The following THSD7B variants were observed in gnomAD, a reference collection of about 807,000 sequenced individuals.
THSD7B encodes thrombospondin type 1 domain containing 7B.
THSD7B carries 138 observed loss-of-function variants against 213.6 expected under a neutral mutation model. That is an observed-to-expected ratio of 0.65 (90% CI 0.56 to 0.74). The LOEUF is 0.74. THSD7B is among the 30% of genes least tolerant of loss of function. The pLI is 0.00. For synonymous variants in THSD7B, 742 were observed against 687.0 expected, an observed-to-expected ratio of 1.08 and a Z score of -1.25; for missense variants, 1,931 against 1,991.5, an observed-to-expected ratio of 0.97 and a Z score of 0.58.
chr2:136,976,067 C>T (rs1320648382), intron 2 of THSD7B, among the ~76,000 whole-genome samples: 3 of 152,274 alleles, frequency 2.0e-5, no homozygotes, highest in East Asian at 1.9e-4. Context: ...AGGTGCTTAT[C>T]AGCTAAAGGA....
At chr2:137,497,076 T>A (rs1188155679) in intron 15 of THSD7B, among the ~76,000 whole-genome samples, 1 of 152,122 alleles carries the variant, frequency 6.6e-6, no homozygotes, top group African/African-American at 2.4e-5. Flanking sequence ...TAAATACTAC[T>A]AATTCAGCCT....
At chr2:137,252,244 G>T (rs111303756) in intron 10 of THSD7B, among the ~76,000 whole-genome samples, 2 of 125,496 alleles carry the variant, frequency 1.6e-5, no homozygotes, top group East Asian at 5.4e-4. Context: ...TTCAGCCTGG[G>T]TGACAGAGCG....
chr2:137,145,919 CATT>C (rs1273663901), intron 5 of THSD7B, among the ~76,000 whole-genome samples: 1 of 152,008 alleles, frequency 6.6e-6, no homozygotes, highest in East Asian at 1.9e-4. Flanking sequence ...TAATTATTCT[CATT>C]ATATTTGGTG....
At chr2:136,768,291 C>G (rs1681443463) in intron 1 of THSD7B, among the ~76,000 whole-genome samples, 2 of 152,158 alleles carry the variant, frequency 1.3e-5, no homozygotes, top group Non-Finnish European at 2.9e-5. Context: ...AAGATAGGCT[C>G]TAAGTTAAAG....
chr2:137,584,020 GT>G (rs1681651250), intron 17 of THSD7B, among the ~76,000 whole-genome samples: 1 of 148,200 alleles, frequency 6.7e-6, no homozygotes, highest in Non-Finnish European at 1.5e-5. Flanking sequence ...TTGTTGAGCA[GT>G]GGTTTGTAGT....
intron 20 of THSD7B, among the ~76,000 whole-genome samples, chr2:137,641,508 C>T (rs1051593957): frequency 3.9e-5 from 6 of 152,188 alleles, no homozygotes; most frequent in African/African-American, 1.4e-4. Context: ...ACTGGAAGTC[C>T]ACCATATTCA....
chr2:137,373,223 C>T (rs375810871), intron 12 of THSD7B, among the ~76,000 whole-genome samples: 41 of 152,228 alleles, frequency 2.7e-4, no homozygotes, highest in Admixed American at 1.6e-3. Context: ...AGTAATGGGA[C>T]GGCCGGGTCA....
intron 2 of THSD7B, among the ~76,000 whole-genome samples, chr2:136,946,964 C>T (rs1394411378): frequency 9.2e-5 from 14 of 152,228 alleles, no homozygotes; most frequent in Non-Finnish European, 7.3e-5. Flanking sequence ...CCCTGCCCCG[C>T]TTCGGCTCAC....
chr2:137,293,878 A>G lies in THSD7B; in HGVS notation c.2500+17852A>G, dbSNP rs796374543. ...AACATTGCTATCTCATTATGTGACTATGTCTTTAATATTTTATAATGCCTT... is the reference window on the plus strand; with the variant it reads ...AACATTGCTATCTCATTATGTGACTGTGTCTTTAATATTTTATAATGCCTT... On this transcript the variant is annotated intron_variant, in intron 12 of 27. Transcript: ENST00000409968. Among the ~76,000 whole-genome samples, 27 of 152,244 alleles carry G rather than the reference A, an allele frequency of 1.8e-4. 1 individual carries two copies. Among genetic ancestry groups the G allele is most frequent in the African/African-American group, 6.0e-4 (25 of 41,562 alleles).
chr2:137,053,928 C>T (rs1000229101), intron 2 of THSD7B, among the ~76,000 whole-genome samples: 1 of 152,012 alleles, frequency 6.6e-6, no homozygotes, highest in South Asian at 2.1e-4. Flanking sequence ...TTGAAATATT[C>T]CTTTACTGAG....
At chr2:136,901,383 C>T (rs535137081) in intron 2 of THSD7B, among the ~76,000 whole-genome samples, 1 of 152,240 alleles carries the variant, frequency 6.6e-6, no homozygotes, top group Non-Finnish European at 1.5e-5. Context: ...TGACGTAAAA[C>T]TTTTCACCTT....
intron 7 of THSD7B, among the ~76,000 whole-genome samples, chr2:137,196,206 C>T (rs1389818528): frequency 5.3e-5 from 8 of 152,122 alleles, no homozygotes; most frequent in Admixed American, 3.9e-4. Context: ...AGGCAGATGA[C>T]GCTGGAGAAA....
chr2:137,525,943 C>A (rs1680269083), intron 15 of THSD7B, among the ~76,000 whole-genome samples: 1 of 152,114 alleles, frequency 6.6e-6, no homozygotes, highest in Non-Finnish European at 1.5e-5. Context: ...CAGCCCCTTT[C>A]CTCCTTAGCC....
chr2:137,202,681 A>G (rs1391905335), intron 7 of THSD7B, among the ~76,000 whole-genome samples: 5 of 152,188 alleles, frequency 3.3e-5, no homozygotes, highest in Admixed American at 3.3e-4. Context: ...AGGGTTATGT[A>G]GGGCTTCTTA....
chr2:136,877,833 GA>G (rs924559850), intron 1 of THSD7B, among the ~76,000 whole-genome samples: 5 of 151,298 alleles, frequency 3.3e-5, no homozygotes, highest in Non-Finnish European at 5.9e-5. Context: ...TTCCTGGGGG[GA>G]AAAAAAAGAA....
At chr2:137,541,871 A>C (rs1680616903) in intron 15 of THSD7B, among the ~76,000 whole-genome samples, 1 of 139,388 alleles carries the variant, frequency 7.2e-6, no homozygotes, top group African/African-American at 3.0e-5. Flanking sequence ...AAAATCAGTG[A>C]ATTCAAATAT....
intron 20 of THSD7B, among the ~76,000 whole-genome samples, chr2:137,632,448 T>C (rs1166296791): frequency 1.3e-5 from 2 of 152,138 alleles, no homozygotes; most frequent in African/African-American, 4.8e-5. Context: ...GGTGTGAAGA[T>C]TAGCTCCAAG....
chr2:136,791,891 A>G (rs1681971197), intron 1 of THSD7B, among the ~76,000 whole-genome samples: 1 of 152,022 alleles, frequency 6.6e-6, no homozygotes, highest in African/African-American at 2.4e-5. Flanking sequence ...TCTCTTGGGT[A>G]TATACCTAGG....
At chr2:137,102,174 G>A (rs1688163628) in intron 4 of THSD7B, among the ~76,000 whole-genome samples, 2 of 152,208 alleles carry the variant, frequency 1.3e-5, no homozygotes, top group South Asian at 2.1e-4. Context: ...CCCCTCTGGG[G>A]TGAAGCTTCC....
Sources: gnomAD v4.1 joint callset for allele counts (sites outside exome capture counted in the v4.1 genomes callset) on GRCh38, gnomAD v4.1.1 for gene constraint, MANE v1.5 for transcripts, NCBI Gene and HGNC (gene_info 2026-07-23, HGNC 2026-07-21) for gene names.